Variants in CHST9 observed in about 807,000 individuals in gnomAD.
The protein encoded by CHST9 is GalNAc-4-sulfotransferase 2.
In CHST9, 41 loss-of-function variants were observed where a neutral mutation model predicts 44.4. That is an observed-to-expected ratio of 0.92 (90% CI 0.72 to 1.20). The LOEUF (loss-of-function observed/expected upper bound fraction) is 1.20, where lower values mean the gene tolerates loss of function less well. Ranked by LOEUF, CHST9 falls within the 50% of genes most tolerant of loss-of-function variation. CHST9 has a pLI of 0.00. For synonymous variants in CHST9, 171 were observed against 178.4 expected (o/e 0.96, Z 0.33); for missense variants, 504 against 516.5 (o/e 0.98, Z 0.23).
rs118105869 is a variant in CHST9 at position 26,948,431 on chromosome 18, A to T, written c.203-4065T>A. Reference sequence around the variant, plus strand: ...ATACACAGATTTGCATTTTTAAAAGACCACTCAACTCTGGTTGGCAACTGA... The same window carrying T: ...ATACACAGATTTGCATTTTTAAAAGTCCACTCAACTCTGGTTGGCAACTGA... On this transcript the variant is annotated intron_variant, in intron 4 of 5. Coordinates refer to ENST00000618847, the MANE Select transcript of CHST9 (RefSeq NM_031422.6). 1.8e-3 allele frequency among the ~76,000 whole-genome samples: 269 copies of T among 152,326 alleles called. 1 individual carries two copies. Among genetic ancestry groups the T allele is most frequent in the Non-Finnish European group, 2.9e-3 (198 of 68,018 alleles).
At chr18:27,022,483 A>C (rs1298231684) in intron 4 of CHST9, among the ~76,000 whole-genome samples, 1 of 152,104 alleles carries the variant, frequency 6.6e-6, no homozygotes, top group African/African-American at 2.4e-5. Flanking sequence ...TTCTTTCTCT[A>C]AACTCCAATT....
At chr18:27,166,479 G>A (rs1391888433) in intron 1 of CHST9, among the ~76,000 whole-genome samples, 2 of 152,048 alleles carry the variant, frequency 1.3e-5, no homozygotes, top group Non-Finnish European at 2.9e-5. Context: ...CACCAACCTT[G>A]GGTTGATCTC....
intron 2 of CHST9, among the ~76,000 whole-genome samples, chr18:27,055,511 A>G (rs1044842631): frequency 6.6e-6 from 1 of 152,164 alleles, no homozygotes; most frequent in Non-Finnish European, 1.5e-5. Flanking sequence ...TTATAGTGCT[A>G]GTTGATTTGC....
At chr18:26,965,523 C>T (rs890909636) in intron 4 of CHST9, among the ~76,000 whole-genome samples, 6 of 152,182 alleles carry the variant, frequency 3.9e-5, no homozygotes, top group African/African-American at 9.7e-5. Flanking sequence ...ATTCACAGAC[C>T]TAAGTTCAAG....
intron 2 of CHST9, among the ~76,000 whole-genome samples, chr18:27,137,266 C>T (rs1275443421): frequency 3.5e-5 from 5 of 144,152 alleles, no homozygotes; most frequent in Admixed American, 1.4e-4. Flanking sequence ...GATTTATATG[C>T]ATAATTATAT....
In CHST9 at chr18:26,965,800, T is replaced by G. The variant is rs148790895; in HGVS notation, c.203-21434A>C. Among the ~76,000 whole-genome samples the G allele has an allele frequency of 2.0e-5, 3 of 152,148 alleles. No individual in the cohort carries two copies. In the East Asian group the frequency reaches 5.8e-4, roughly 29 times the overall value. On this transcript the variant is annotated intron_variant, in intron 4 of 5. Transcript: ENST00000618847. ...TAGTAGCATCAGATGCTGAATAAAC[T>G]CACAGAGATCAGAGCCTCATGGTCA... is the stretch of plus-strand genomic sequence containing the variant.
chr18:26,957,923 G>T (rs2056347750), intron 4 of CHST9, among the ~76,000 whole-genome samples: 1 of 151,706 alleles, frequency 6.6e-6, no homozygotes, highest in African/African-American at 2.4e-5. Flanking sequence ...GTCACTCTTT[G>T]TCATCCAGGC....
intron 4 of CHST9, among the ~76,000 whole-genome samples, chr18:26,950,011 C>T (rs2056222176): frequency 2.0e-5 from 3 of 152,170 alleles, no homozygotes; most frequent in African/African-American, 7.2e-5. Flanking sequence ...TCTGGTGAGG[C>T]CCATCTGAAC....
chr18:27,030,379 G>A (rs1431729310), intron 3 of CHST9, among the ~76,000 whole-genome samples: 2 of 152,126 alleles, frequency 1.3e-5, no homozygotes. Context: ...TTTTTGGAAG[G>A]AGATTACAAG....
chr18:27,027,047 C>T (rs1482142267), intron 3 of CHST9, among the ~76,000 whole-genome samples: 1 of 152,146 alleles, frequency 6.6e-6, no homozygotes, highest in Non-Finnish European at 1.5e-5. Flanking sequence ...TTTCACTGAT[C>T]CTTATCCTGA....
At chr18:27,014,051 T>C (rs1384151101) in intron 4 of CHST9, among the ~76,000 whole-genome samples, 2 of 152,128 alleles carry the variant, frequency 1.3e-5, no homozygotes, top group Non-Finnish European at 1.5e-5. Context: ...AAATATTAAA[T>C]AACAAGATTC....
intron 3 of CHST9, among the ~76,000 whole-genome samples, chr18:27,039,537 A>G (rs1324041814): frequency 7.2e-5 from 11 of 152,186 alleles, no homozygotes; most frequent in Non-Finnish European, 1.6e-4. Context: ...TAAGGAATAC[A>G]GAGTTTCAGT....
chr18:26,930,607 AT>A (rs1450540307), intron 5 of CHST9: 1 of 153,748 alleles, frequency 6.5e-6, no homozygotes, highest in African/African-American at 2.4e-5. Flanking sequence ...CAAGATATCA[AT>A]TAAATGGGTA....
chr18:26,970,035 C>T (rs1390078126), intron 4 of CHST9, among the ~76,000 whole-genome samples: 1 of 152,168 alleles, frequency 6.6e-6, no homozygotes, highest in Non-Finnish European at 1.5e-5. Flanking sequence ...AGAGCACCTT[C>T]TCCAGGGCGT....
intron 2 of CHST9, among the ~76,000 whole-genome samples, chr18:27,051,879 A>G (rs959778008): frequency 6.6e-6 from 1 of 152,202 alleles, no homozygotes; most frequent in African/African-American, 2.4e-5. Context: ...AATTGCAGGC[A>G]TATCAATCAG....
chr18:27,143,917 A>G (rs1160226963), intron 1 of CHST9, among the ~76,000 whole-genome samples: 1 of 152,196 alleles, frequency 6.6e-6, no homozygotes, highest in Non-Finnish European at 1.5e-5. Context: ...TATGTAACAA[A>G]CCTGCACGTT....
chr18:27,100,417 T>C (rs1288182437), intron 2 of CHST9, among the ~76,000 whole-genome samples: 2 of 151,788 alleles, frequency 1.3e-5, no homozygotes, highest in African/African-American at 4.8e-5. Context: ...AAACAAAAAT[T>C]GAAAAATAAA....
intron 2 of CHST9, among the ~76,000 whole-genome samples, chr18:27,061,668 G>T (rs1023340455): frequency 6.6e-6 from 1 of 151,798 alleles, no homozygotes; most frequent in Non-Finnish European, 1.5e-5. Context: ...AGTGTTCAAA[G>T]GATTCCTGGG....
At chr18:27,119,363 A>G (rs1244740297) in intron 2 of CHST9, among the ~76,000 whole-genome samples, 5 of 152,218 alleles carry the variant, frequency 3.3e-5, no homozygotes, top group African/African-American at 4.8e-5. Flanking sequence ...ACTTAGCTTA[A>G]TAGTTCTCAG....
Sources: allele counts gnomAD v4.1 joint callset (sites outside exome capture counted in the v4.1 genomes callset), GRCh38; gene constraint gnomAD v4.1.1; transcripts MANE v1.5; gene names NCBI Gene and HGNC (gene_info 2026-07-23, HGNC 2026-07-21).